PACS1: variants seen among roughly 807,000 people sequenced by gnomAD.
PACS1 encodes PACS-1.
Under a neutral mutation model 115.0 loss-of-function variants are expected in PACS1, and 24 were observed. That is an observed-to-expected ratio of 0.21 (90% CI 0.15 to 0.29). The LOEUF is 0.29. Among genes scored for constraint, PACS1 ranks in the 10% least tolerant of loss-of-function variants. The probability of loss-of-function intolerance (pLI) is 1.00; values close to 1 mark genes in which losing one functional copy is unlikely to be tolerated. For missense variants in PACS1, 838 were observed against 1,251.2 expected, an observed-to-expected ratio of 0.67 and a Z score of 4.98; for synonymous variants, 453 against 504.5, an observed-to-expected ratio of 0.90 and a Z score of 1.37.
chr11:66,199,033 G>A (rs1169761301), intron 2 of PACS1, among the ~76,000 whole-genome samples: 1 of 152,070 alleles, frequency 6.6e-6, no homozygotes, highest in African/African-American at 2.4e-5. Flanking sequence ...AGTGTAAAAA[G>A]GGCCGGGCGT....
intron 1 of PACS1, among the ~76,000 whole-genome samples, chr11:66,107,231 A>G (rs1334666028): frequency 1.3e-5 from 2 of 152,030 alleles, no homozygotes; most frequent in Non-Finnish European, 2.9e-5. Context: ...TTTCCTGAAA[A>G]TGTCAATTAT....
chr11:66,153,719 T>G (rs1048895849), intron 1 of PACS1, among the ~76,000 whole-genome samples: 1 of 152,118 alleles, frequency 6.6e-6, no homozygotes, highest in Non-Finnish European at 1.5e-5. Flanking sequence ...AGACGGAGCT[T>G]GCAGTGAGCC....
In PACS1 at chr11:66,235,493, C is replaced by A; in HGVS notation, c.2207+90C>A. On this transcript the variant is annotated intron_variant, in intron 18 of 23. Coordinates refer to ENST00000320580, the MANE Select transcript of PACS1 (RefSeq NM_018026.4). This position sits in a 1 kb window ranked among gnomAD's most constrained non-coding sequence, Gnocchi z 5.6. ...CCTTGCTTTCTCACATTTTCCTTCT[C>A]CACATGCTATATTCCTTCATAGGAA... is the stretch of plus-strand genomic sequence containing the variant. The A allele has an allele frequency of 1.1e-6, 1 of 945,854 alleles. No individual in the cohort carries two copies. The allele number at this position is 945,854 out of a possible 1,614,324, so 58.6% of individuals were successfully genotyped here.
At position 66,070,301 on chromosome 11, in the gene PACS1, G is replaced by A. The variant is rs1208429584; in HGVS notation, c.-186G>A. On this transcript the variant is annotated 5_prime_UTR_variant, in exon 1 of 24. Coordinates refer to ENST00000320580, the MANE Select transcript of PACS1 (RefSeq NM_018026.4). The surrounding 1 kb of genome is among the most constrained non-coding windows in gnomAD (Gnocchi z 5.9). ...GTGTCGGCCTCGCGAGCCGCAACAG[G>A]CAGCGGCGGTCGAGCGCGAGGCCCG... is the stretch of plus-strand genomic sequence containing the variant. 5.5e-6 allele frequency: 1 copy of A among 181,760 alleles called. No individual in the cohort carries two copies. Among genetic ancestry groups the A allele is most frequent in the Non-Finnish European group, 1.1e-5 (1 of 90,920 alleles). 11.3% of individuals were successfully genotyped at this position (181,760 alleles called of 1,614,324 possible).
At chr11:66,191,292 G>A (rs1265438635) in intron 1 of PACS1, among the ~76,000 whole-genome samples, 2 of 152,048 alleles carry the variant, frequency 1.3e-5, no homozygotes, top group Non-Finnish European at 2.9e-5. Flanking sequence ...ATCATATTGG[G>A]TCCACCCAGA....
intron 1 of PACS1, among the ~76,000 whole-genome samples, chr11:66,118,193 A>T (rs923834495): frequency 2.0e-5 from 3 of 152,260 alleles, no homozygotes; most frequent in Middle Eastern, 3.2e-3. Flanking sequence ...TATGGAACAT[A>T]AACAGCATAG....
At chr11:66,221,060 G>T (rs1360734325) in intron 9 of PACS1, 94 bp from the exon 10 acceptor site, 2 of 1,238,992 alleles carry the variant, frequency 1.6e-6, no homozygotes, top group Admixed American at 3.4e-5. Context: ...CCTGTAGCTT[G>T]TTGACCCACC....
At chr11:66,110,566 G>C (rs1213693993) in intron 1 of PACS1, among the ~76,000 whole-genome samples, 2 of 151,382 alleles carry the variant, frequency 1.3e-5, no homozygotes, top group Admixed American at 1.3e-4. Context: ...CTTTCCTGTA[G>C]TTTTTTTTTG....
At chr11:66,091,401 A>G (rs763044054) in intron 1 of PACS1, among the ~76,000 whole-genome samples, 11 of 152,078 alleles carry the variant, frequency 7.2e-5, no homozygotes, top group Non-Finnish European at 1.3e-4. Flanking sequence ...TCGGCCTCCC[A>G]AAGTGCTAGG....
At chr11:66,210,512 C>CTCTGGGTTAGAGGA in intron 3 of PACS1, 61 bp downstream of exon 3, 1 of 1,187,100 alleles carries the variant, frequency 8.4e-7, no homozygotes. Context: ...CCCAGACAGT[C>CTCTGGGTTAGAGGA]CTCTAACCCA....
At chr11:66,184,589 C>T (rs1306960509) in intron 1 of PACS1, among the ~76,000 whole-genome samples, 2 of 152,190 alleles carry the variant, frequency 1.3e-5, no homozygotes, top group Admixed American at 1.3e-4. Context: ...TTCTTTCAGA[C>T]TTAGTCTAAT....
chr11:66,222,539 T>G (rs1274008675), intron 10 of PACS1, among the ~76,000 whole-genome samples: 1 of 152,082 alleles, frequency 6.6e-6, no homozygotes, highest in African/African-American at 2.4e-5. Context: ...GGAAGGCAAG[T>G]GAGTGTTGTC....
intron 1 of PACS1, among the ~76,000 whole-genome samples, chr11:66,175,567 C>A (rs931124230): frequency 2.0e-5 from 3 of 152,200 alleles, no homozygotes; most frequent in African/African-American, 7.2e-5. Flanking sequence ...CTTTCACTGT[C>A]ACTTTGCTAC....
chr11:66,207,218 G>A (rs190296850), intron 2 of PACS1, among the ~76,000 whole-genome samples: 1 of 152,326 alleles, frequency 6.6e-6, no homozygotes, highest in East Asian at 1.9e-4. Context: ...TGTAATACCA[G>A]CACTTTGGGA....
Position 66,075,617 on chromosome 11 carries a change from A to T in PACS1, c.356+4775A>T, listed in dbSNP as rs371489054. Among the ~76,000 whole-genome samples, 32 of 152,308 alleles carry T rather than the reference A, an allele frequency of 2.1e-4. No individual in the cohort carries two copies. The South Asian group carries it at 6.6e-3, about 32-fold the overall frequency. ...CTTAGATGTGGATGAAATATATATAAAATTGGATCTATAGAAGCATGGGAG... is the reference window on the plus strand; with the variant it reads ...CTTAGATGTGGATGAAATATATATATAATTGGATCTATAGAAGCATGGGAG... On this transcript the variant is annotated intron_variant, in intron 1 of 23. Transcript: ENST00000320580.
intron 7 of PACS1, chr11:66,218,688 C>G (rs571581747): frequency 6.6e-6 from 1 of 152,062 alleles, no homozygotes; most frequent in South Asian, 2.1e-4. Context: ...GGTGAAACCC[C>G]GTCTCTACTA....
At chr11:66,137,850 C>T (rs1858883207) in intron 1 of PACS1, among the ~76,000 whole-genome samples, 2 of 152,176 alleles carry the variant, frequency 1.3e-5, no homozygotes, top group Admixed American at 1.3e-4. Context: ...GTTTCTCAGA[C>T]TTTAATGTGA....
At chr11:66,112,640 C>T (rs571190019) in intron 1 of PACS1, among the ~76,000 whole-genome samples, 20 of 152,270 alleles carry the variant, frequency 1.3e-4, no homozygotes, top group Non-Finnish European at 2.4e-4. Context: ...CCAGTAGACC[C>T]TTTATATCTA....
At chr11:66,091,210 A>G (rs558706256) in intron 1 of PACS1, among the ~76,000 whole-genome samples, 33 of 152,264 alleles carry the variant, frequency 2.2e-4, no homozygotes, top group Non-Finnish European at 4.1e-4. Context: ...AGTGGATCTC[A>G]GATCACTGCA....
Sources: allele counts gnomAD v4.1 joint callset (sites outside exome capture counted in the v4.1 genomes callset), GRCh38; gene constraint gnomAD v4.1.1; non-coding constraint Gnocchi (gnomAD v3.1); transcripts MANE v1.5; gene names NCBI Gene and HGNC (gene_info 2026-07-23, HGNC 2026-07-21).